Variants in DGKB observed in about 807,000 individuals in gnomAD.
DGKB encodes the protein 90 kDa diacylglycerol kinase.
DGKB carries 67 observed loss-of-function variants against 114.3 expected under a neutral mutation model. That is an observed-to-expected ratio of 0.59 (90% CI 0.48 to 0.72). The LOEUF (loss-of-function observed/expected upper bound fraction) is 0.72, where lower values mean the gene tolerates loss of function less well. Ranked by LOEUF, DGKB falls within the 30% of genes least tolerant of loss-of-function variation. The probability of loss-of-function intolerance (pLI) is 0.00; values close to 1 mark genes in which losing one functional copy is unlikely to be tolerated. For synonymous variants in DGKB, 398 were observed against 323.1 expected (o/e 1.23, Z -2.49); for missense variants, 907 against 975.2 (o/e 0.93, Z 0.93).
intron 8 of DGKB, among the ~76,000 whole-genome samples, chr7:14,695,803 G>A (rs1334131332): frequency 6.6e-6 from 1 of 151,684 alleles, no homozygotes; most frequent in African/African-American, 2.4e-5. Flanking sequence ...CACCGAGCCC[G>A]GCCCATTTCT....
intron 9 of DGKB, among the ~76,000 whole-genome samples, chr7:14,692,582 T>C (rs1329205891): frequency 6.6e-6 from 1 of 151,808 alleles, no homozygotes; most frequent in Non-Finnish European, 1.5e-5. Context: ...CTAAATATGG[T>C]ATTATAAAAA....
chr7:14,553,865 C>CTTTTTTTTTTTTTTTTTT (rs58879064), intron 20 of DGKB, among the ~76,000 whole-genome samples: 1 of 71,208 alleles, frequency 1.4e-5, no homozygotes. Context: ...CCTTTACATG[C>CTTTTTTTTTTTTTTTTTT]TTTTTTTTTT....
chr7:14,659,826 T>A (rs1302918147), intron 13 of DGKB, among the ~76,000 whole-genome samples: 4 of 151,610 alleles, frequency 2.6e-5, no homozygotes, highest in Admixed American at 6.6e-5. Flanking sequence ...TCAAAGGGAA[T>A]GCTTCCAGTT....
At chr7:14,676,597 G>A (rs1819901522) in intron 12 of DGKB, among the ~76,000 whole-genome samples, 2 of 151,898 alleles carry the variant, frequency 1.3e-5, no homozygotes. Context: ...TTAAATAAGT[G>A]AATATCATCA....
chr7:14,612,495 G>A (rs1453956962), intron 16 of DGKB, among the ~76,000 whole-genome samples: 1 of 151,968 alleles, frequency 6.6e-6, no homozygotes, highest in Non-Finnish European at 1.5e-5. Flanking sequence ...ATAATGAAAA[G>A]CATTCTTCAT....
chr7:14,718,517 G>C (rs1382326854), intron 6 of DGKB, 25 bp downstream of exon 6: 3 of 1,593,256 alleles, frequency 1.9e-6, no homozygotes, highest in Non-Finnish European at 2.6e-6. Flanking sequence ...ATCACGATAA[G>C]TAAACAAAAT....
At chr7:14,245,864 G>A (rs550896518) in intron 23 of DGKB, among the ~76,000 whole-genome samples, 1 of 152,274 alleles carries the variant, frequency 6.6e-6, no homozygotes, top group African/African-American at 2.4e-5. Flanking sequence ...TGAGGTGGAG[G>A]TTGCAGTGAG....
chr7:14,291,645 T>A (rs952911511), intron 23 of DGKB, among the ~76,000 whole-genome samples: 10 of 152,202 alleles, frequency 6.6e-5, no homozygotes, highest in African/African-American at 2.4e-4. Context: ...GGAAAATTTT[T>A]CAATGTAATC....
At chr7:14,247,225 G>T (rs1794614225) in intron 23 of DGKB, among the ~76,000 whole-genome samples, 1 of 150,840 alleles carries the variant, frequency 6.6e-6, no homozygotes, top group Non-Finnish European at 1.5e-5. Context: ...GTTAATGTGT[G>T]CATGTAGCAC....
At position 14,639,781 on chromosome 7, in the gene DGKB, A is replaced by C. The variant is rs1317562105; in HGVS notation, c.1135-9513T>G. ...TTTTTGTTTTTGTTTTTTTCTAAAG[A>C]ACTTTTTCTCCCTCCATAAATCACA... On this transcript the variant is annotated intron_variant, in intron 13 of 25. Coordinates refer to ENST00000402815, the MANE Select transcript of DGKB (RefSeq NM_001350709.2). Among the ~76,000 whole-genome samples the C allele has an allele frequency of 4.6e-5, 7 of 152,132 alleles. No individual in the cohort carries two copies. The East Asian group carries it at 1.2e-3, about 25-fold the overall frequency.
chr7:14,596,982 C>A (rs1310968702), intron 17 of DGKB, among the ~76,000 whole-genome samples: 3 of 152,172 alleles, frequency 2.0e-5, no homozygotes, highest in African/African-American at 7.2e-5. Flanking sequence ...GGAGTCCTTG[C>A]AAGTGAGAGA....
At chr7:14,388,387 T>C (rs1279564901) in intron 21 of DGKB, among the ~76,000 whole-genome samples, 1 of 140,252 alleles carries the variant, frequency 7.1e-6, no homozygotes, top group African/African-American at 3.0e-5. Flanking sequence ...TGTATATACA[T>C]ACTTAAATAT....
At chr7:14,265,289 A>G (rs1231212634) in intron 23 of DGKB, among the ~76,000 whole-genome samples, 1 of 119,624 alleles carries the variant, frequency 8.4e-6, no homozygotes, top group African/African-American at 3.3e-5. Context: ...CACTTTCTCA[A>G]TTTGGACTGC....
Position 14,664,088 on chromosome 7 carries a change from A to C in DGKB, c.1134+8841T>G, listed in dbSNP as rs527764839. Among the ~76,000 whole-genome samples the C allele has an allele frequency of 2.6e-5, 4 of 152,116 alleles. No individual in the cohort carries two copies. The East Asian group carries it at 7.8e-4, about 30-fold the overall frequency. ...TAACTATTTTTAAAACTCTGCAACTATCCTGGATGGTTTTAAGGATAATAT... is the reference window on the plus strand; with the variant it reads ...TAACTATTTTTAAAACTCTGCAACTCTCCTGGATGGTTTTAAGGATAATAT... On this transcript the variant is annotated intron_variant, in intron 13 of 25. Coordinates refer to ENST00000402815, the MANE Select transcript of DGKB (RefSeq NM_001350709.2).
intron 9 of DGKB, among the ~76,000 whole-genome samples, chr7:14,689,244 C>T (rs1822371312): frequency 8.8e-6 from 1 of 113,842 alleles, no homozygotes; most frequent in Admixed American, 1.2e-4. Flanking sequence ...CTCGCTCTGT[C>T]GCCCAGGCTG....
At chr7:14,926,879 G>C (rs901921808) in intron 1 of DGKB, among the ~76,000 whole-genome samples, 1 of 151,874 alleles carries the variant, frequency 6.6e-6, no homozygotes, top group Non-Finnish European at 1.5e-5. Context: ...TTGATGCTTT[G>C]CTGAATGTGG....
intron 5 of DGKB, among the ~76,000 whole-genome samples, chr7:14,722,425 C>T (rs1585978928): frequency 6.6e-6 from 1 of 152,056 alleles, no homozygotes; most frequent in East Asian, 1.9e-4. Context: ...GGCCTGATAG[C>T]TCATTTCTTT....
At chr7:14,368,842 C>T (rs971702113) in intron 21 of DGKB, among the ~76,000 whole-genome samples, 14 of 152,076 alleles carry the variant, frequency 9.2e-5, no homozygotes, top group East Asian at 3.9e-4. Context: ...AGGAAGAGCC[C>T]GGGAGAGCCC....
intron 6 of DGKB, among the ~76,000 whole-genome samples, chr7:14,705,122 A>G (rs369189762): frequency 2.0e-5 from 3 of 151,722 alleles, no homozygotes; most frequent in African/African-American, 7.2e-5. Flanking sequence ...AGAAGTGCTT[A>G]AAGGAGCTGA....
Sources: allele counts gnomAD v4.1 joint callset (sites outside exome capture counted in the v4.1 genomes callset), GRCh38; gene constraint gnomAD v4.1.1; transcripts MANE v1.5; gene names NCBI Gene and HGNC (gene_info 2026-07-23, HGNC 2026-07-21).